ANO6: variants seen among roughly 807,000 people sequenced by gnomAD.
ANO6 encodes anoctamin-6.
A neutral mutation model predicts 117.5 loss-of-function variants in ANO6; 106 were observed. The ratio of observed to expected loss-of-function variants is 0.90; its 90% CI spans 0.77 to 1.06. The LOEUF (loss-of-function observed/expected upper bound fraction) is 1.06, where lower values mean the gene tolerates loss of function less well. ANO6 is among the 50% of genes least tolerant of loss of function. The pLI is 0.00. For synonymous variants in ANO6, 367 were observed against 385.1 expected (o/e 0.95, Z 0.55); for missense variants, 955 against 1,121.1 (o/e 0.85, Z 2.12).
Position 45,349,778 on chromosome 12 carries a change from G to A in ANO6, c.748-881G>A, listed in dbSNP as rs554702730. Among the ~76,000 whole-genome samples, 118 of 152,334 alleles carry A rather than the reference G, an allele frequency of 7.7e-4. 1 individual carries two copies. The highest frequency in any genetic ancestry group is 6.1e-3 in the Admixed American group (94 of 15,294). On this transcript the variant is annotated intron_variant, in intron 6 of 19. Transcript: ENST00000320560. The stretch of plus-strand genomic sequence containing the variant: ...GACCCAATGTAGCCATCCAGCCTGA[G>A]AGTCCATGTGTTTTACTTTTGTGCC...
intron 1 of ANO6, among the ~76,000 whole-genome samples, chr12:45,277,244 G>T (rs530801522): frequency 2.3e-4 from 35 of 152,248 alleles, no homozygotes; most frequent in African/African-American, 7.9e-4. Flanking sequence ...ACTTTCCACA[G>T]ATGAGCTATA....
Position 45,216,133 on chromosome 12 carries a change from C to A in ANO6, c.-189C>A. 1.6e-6 allele frequency: 1 copy of A among 622,082 alleles called. No individual in the cohort carries two copies. The highest frequency in any genetic ancestry group is 2.9e-5 in the East Asian group (1 of 34,238). The allele number at this position is 622,082 out of a possible 1,614,324, so 38.5% of individuals were successfully genotyped here. On this transcript the variant is annotated 5_prime_UTR_variant, in exon 1 of 20. Coordinates refer to ENST00000320560, the MANE Select transcript of ANO6 (RefSeq NM_001025356.3). ...CGCTCGGCAGGCGAGAGGCGTCCTCCGGCTCTGGGCTCCGGTCGGTGGGTG... is the reference window on the plus strand; with the variant it reads ...CGCTCGGCAGGCGAGAGGCGTCCTCAGGCTCTGGGCTCCGGTCGGTGGGTG...
intron 9 of ANO6, 39 bp downstream of exon 9, chr12:45,367,832 G>T (rs548915308): frequency 6.9e-7 from 1 of 1,451,864 alleles, no homozygotes; most frequent in Admixed American, 1.7e-5. Flanking sequence ...CCTAATGAAA[G>T]ATTTTTTTTC....
intron 1 of ANO6, among the ~76,000 whole-genome samples, chr12:45,264,348 C>T (rs990175934): frequency 3.3e-5 from 5 of 152,204 alleles, no homozygotes; most frequent in Admixed American, 6.5e-5. Context: ...CCTACTCTGT[C>T]CTTGGCCTAC....
At chr12:45,351,217 C>G (rs1027436761) in intron 7 of ANO6, among the ~76,000 whole-genome samples, 3 of 152,240 alleles carry the variant, frequency 2.0e-5, no homozygotes, top group African/African-American at 7.2e-5. Context: ...ACCCACCGCC[C>G]AGGAACTGGG....
In ANO6 at chr12:45,403,516, C is replaced by A. The variant is rs200706878; in HGVS notation, c.1860C>A (p.Asn620Lys). ...IIMGGKAIWN[N>K]IQEVLLPWIM... The stretch of plus-strand genomic sequence containing the variant: ...TGGGAGGAAAAGCAATCTGGAATAA[C>A]ATACAAGAAGTATTATTGCCGTGAG... The change falls in exon 15 of 20, where the codon AAC becomes AAA. Residue 620 changes from asparagine to lysine, a missense_variant. By Grantham distance (94) the Asn-to-Lys change is moderately conservative. Coordinates refer to ENST00000320560, the MANE Select transcript of ANO6 (RefSeq NM_001025356.3). The A allele has an allele frequency of 4.5e-5, 72 of 1,613,136 alleles. No individual in the cohort carries two copies. Among genetic ancestry groups the A allele is most frequent in the Non-Finnish European group, 4.5e-5 (53 of 1,179,214 alleles).
chr12:45,248,931 T>C (rs998712248), intron 1 of ANO6, among the ~76,000 whole-genome samples: 1 of 152,184 alleles, frequency 6.6e-6, no homozygotes, highest in Non-Finnish European at 1.5e-5. Context: ...CCATTTATTG[T>C]ACTTTATTTT....
intron 9 of ANO6, among the ~76,000 whole-genome samples, chr12:45,369,679 T>C (rs944864628): frequency 6.6e-6 from 1 of 152,216 alleles, no homozygotes; most frequent in Non-Finnish European, 1.5e-5. Context: ...TGTTTGTGAA[T>C]TATTTTTTCC....
intron 1 of ANO6, among the ~76,000 whole-genome samples, chr12:45,275,678 A>G (rs1233782769): frequency 3.3e-5 from 5 of 152,064 alleles, no homozygotes; most frequent in Non-Finnish European, 2.9e-5. Context: ...CTTCCAATGG[A>G]TACGTTTCTA....
chr12:45,348,783 A>T, intron 6 of ANO6, 152 bp downstream of exon 6: 1 of 700,788 alleles, frequency 1.4e-6, no homozygotes, highest in Non-Finnish European at 2.6e-6. Flanking sequence ...GGTAAGAACT[A>T]GGTCTTTTGT....
intron 1 of ANO6, among the ~76,000 whole-genome samples, chr12:45,236,177 G>A (rs1306188274): frequency 6.6e-6 from 1 of 152,198 alleles, no homozygotes; most frequent in Non-Finnish European, 1.5e-5. Context: ...GAGGTAACCT[G>A]TAGAGTTTAT....
chr12:45,419,325 AT>A (rs1943295064), intron 17 of ANO6, among the ~76,000 whole-genome samples: 1 of 152,196 alleles, frequency 6.6e-6, no homozygotes, highest in Non-Finnish European at 1.5e-5. Context: ...CCTTGTTGGA[AT>A]TTTTTGTAGC....
chr12:45,364,649 A>G (rs1471653165), intron 8 of ANO6, among the ~76,000 whole-genome samples: 4 of 152,088 alleles, frequency 2.6e-5, no homozygotes, highest in African/African-American at 7.2e-5. Flanking sequence ...AATAATTCCT[A>G]TCTCTATTGA....
At chr12:45,350,876 AGCTGACCCAGAGT>A in intron 7 of ANO6, 102 bp downstream of exon 7, 1 of 1,003,806 alleles carries the variant, frequency 1.0e-6, no homozygotes, top group South Asian at 1.4e-5. Flanking sequence ...CAGTGAAGGG[AGCTGACCCAGAGT>A]GCTGAGCTTC....
intron 1 of ANO6, among the ~76,000 whole-genome samples, chr12:45,287,249 T>C (rs1040509122): frequency 1.3e-5 from 2 of 152,170 alleles, no homozygotes; most frequent in South Asian, 2.1e-4. Flanking sequence ...TGAGAGAGAA[T>C]GCTACCTAAG....
In ANO6 at chr12:45,430,210, C is replaced by T. The variant is rs1166346012; in HGVS notation, c.*899C>T. On this transcript the variant is annotated 3_prime_UTR_variant, in exon 20 of 20. Transcript: ENST00000320560. ...ATTACATTTTTATCAACATAATTGTCTGGAAAAGATAAGCCCCTCAATTTT... is the reference window on the plus strand; with the variant it reads ...ATTACATTTTTATCAACATAATTGTTTGGAAAAGATAAGCCCCTCAATTTT... 1.0e-6 allele frequency: 1 copy of T among 985,252 alleles called. No homozygotes were observed. Among genetic ancestry groups the T allele is most frequent in the Non-Finnish European group, 1.2e-6 (1 of 829,926 alleles). The allele number at this position is 985,252 out of a possible 1,614,324, so 61.0% of individuals were successfully genotyped here. A position where few individuals can be genotyped will look rare whatever the true frequency, so the allele number is the denominator to read the frequency against.
At chr12:45,363,639 C>T (rs1020887099) in intron 8 of ANO6, among the ~76,000 whole-genome samples, 5 of 151,998 alleles carry the variant, frequency 3.3e-5, no homozygotes, top group Non-Finnish European at 5.9e-5. Context: ...GCTGTGTCCT[C>T]ACCCAAATCT....
chr12:45,343,232 C>T (rs1388665531), intron 3 of ANO6, among the ~76,000 whole-genome samples: 1 of 152,100 alleles, frequency 6.6e-6, no homozygotes, highest in East Asian at 1.9e-4. Flanking sequence ...TCCCTACCAG[C>T]ACTTATTGTT....
At chr12:45,275,069 A>G (rs1488961180) in intron 1 of ANO6, among the ~76,000 whole-genome samples, 3 of 151,932 alleles carry the variant, frequency 2.0e-5, no homozygotes, top group Non-Finnish European at 4.4e-5. Flanking sequence ...CTGGTGCTCG[A>G]TAAGTTGTAT....
Sources: allele counts gnomAD v4.1 joint callset (sites outside exome capture counted in the v4.1 genomes callset), GRCh38; gene constraint gnomAD v4.1.1; transcripts MANE v1.5; gene names NCBI Gene and HGNC (gene_info 2026-07-23, HGNC 2026-07-21).